TRIM3: variants seen among roughly 807,000 people sequenced by gnomAD.
The protein encoded by TRIM3 is tripartite motif containing 3.
TRIM3 carries 13 observed loss-of-function variants against 66.6 expected under a neutral mutation model. The observed-to-expected ratio is 0.20, with a 90% confidence interval of 0.13 to 0.31. TRIM3 has a LOEUF of 0.31. TRIM3 is among the 10% of genes least tolerant of loss of function. TRIM3 has a pLI of 1.00. For missense variants in TRIM3, 711 were observed against 1,020.4 expected, an observed-to-expected ratio of 0.70 and a Z score of 4.13; for synonymous variants, 406 against 411.7, an observed-to-expected ratio of 0.99 and a Z score of 0.17.
intron 1 of TRIM3, among the ~76,000 whole-genome samples, chr11:6,470,173 G>T (rs1000837258): frequency 3.9e-5 from 6 of 152,132 alleles, no homozygotes; most frequent in African/African-American, 1.4e-4. Context: ...TAGTTTAAAG[G>T]GCAAGGACGG....
chr11:6,473,452 A>G (rs1850788335), intron 1 of TRIM3, among the ~76,000 whole-genome samples: 1 of 151,812 alleles, frequency 6.6e-6, no homozygotes, highest in Non-Finnish European at 1.5e-5. Context: ...GATGGGCCAC[A>G]ATATTCCAGA....
intron 1 of TRIM3, among the ~76,000 whole-genome samples, chr11:6,473,515 C>A (rs1850791937): frequency 6.6e-6 from 1 of 152,064 alleles, no homozygotes; most frequent in Admixed American, 6.6e-5. Context: ...CGTTCAGCAC[C>A]CTCCGCCAAC....
Position 6,457,342 on chromosome 11 carries a change from T to C in TRIM3, c.650A>G (p.Gln217Arg), listed in dbSNP as rs771215017. Reference sequence around the variant, plus strand: ...GGTCTCCAGGTCGCTGACCAGAGCCTGCTTGCGCTGCTGCAGTGCTTGCTC... The same window carrying C: ...GGTCTCCAGGTCGCTGACCAGAGCCCGCTTGCGCTGCTGCAGTGCTTGCTC... ...DLEQALQQRK[Q>R]ALVSDLETIC... Residue 217 changes from glutamine (Q) to arginine (R), a missense_variant, in exon 5 of 12, where the codon CAG becomes CGG. Coordinates refer to ENST00000345851, the MANE Select transcript of TRIM3 (RefSeq NM_033278.4). The surrounding 1 kb of genome is among the most constrained non-coding windows in gnomAD (Gnocchi z 4.5). 9.9e-6 allele frequency: 16 copies of C among 1,614,056 alleles called. No individual in the cohort carries two copies. Among genetic ancestry groups the C allele is most frequent in the Non-Finnish European group, 1.4e-5 (16 of 1,180,046 alleles).
Position 6,456,312 on chromosome 11 carries a change from G to C in TRIM3, c.1414C>G (p.Leu472Val). 1 of 1,551,562 alleles carries C rather than the reference G, an allele frequency of 6.4e-7. No homozygotes were observed. Among genetic ancestry groups the C allele is most frequent in the Non-Finnish European group, 8.7e-7 (1 of 1,145,036 alleles). ...CTGTCTGTACCAACACGGAAGACGA[G>C]CTCATCCTCAATTGGGTTGTCCTTT... ...KRKDNPIEDE[L>V]VFRVGSRGRE... The change falls in exon 6 of 12, where the codon CTC (leucine) becomes GTC (valine). Residue 472 changes from leucine to valine, a missense_variant. Leu to Val is a conservative substitution (Grantham distance 32). Coordinates refer to ENST00000345851, the MANE Select transcript of TRIM3 (RefSeq NM_033278.4). This position sits in a 1 kb window ranked among gnomAD's most constrained non-coding sequence, Gnocchi z 6.4.
At chr11:6,451,789 G>C (rs748931053) in intron 7 of TRIM3, 5 of 271,052 alleles carry the variant, frequency 1.8e-5, no homozygotes, top group Non-Finnish European at 2.8e-5. Context: ...AAGGCACAAA[G>C]TCCAGTATGG....
intron 7 of TRIM3, chr11:6,452,646 G>C (rs1393172394): frequency 6.6e-6 from 1 of 152,204 alleles, no homozygotes; most frequent in Non-Finnish European, 1.5e-5. Flanking sequence ...ACAGCTCTTG[G>C]GTTCTGCAGT....
At position 6,448,703 on chromosome 11, in the gene TRIM3, T is replaced by C; in HGVS notation, c.*325A>G. 1 of 601,712 alleles carries C rather than the reference T, an allele frequency of 1.7e-6. No individual in the cohort carries two copies. Among genetic ancestry groups the C allele is most frequent in the Non-Finnish European group, 3.0e-6 (1 of 337,668 alleles). 37.3% of individuals were successfully genotyped at this position (601,712 alleles called of 1,614,324 possible). A position where few individuals can be genotyped will look rare whatever the true frequency, so the allele number is the denominator to read the frequency against. On this transcript the variant is annotated 3_prime_UTR_variant, in exon 12 of 12. Coordinates refer to ENST00000345851, the MANE Select transcript of TRIM3 (RefSeq NM_033278.4). ...GTGGTAGGGAGACAACTAGAGGGAC[T>C]CCTGTCCTGGGGTAGGCTGTTCTGG...
chr11:6,457,003 C>T lies in TRIM3; in HGVS notation c.723G>A (p.Leu241=), dbSNP rs149155205. Reference sequence around the variant, plus strand: ...TGCCGATGTGTTCCTGACCCTGGCGCAGTGTGTCCAGCTGGCTTTGCAACA... The same window carrying T: ...TGCCGATGTGTTCCTGACCCTGGCGTAGTGTGTCCAGCTGGCTTTGCAACA... ...QKVLQSQLDT[L]RQGQEHIGSS... Residue 241 remains leucine (L), a synonymous_variant, in exon 6 of 12, where the codon CTG becomes CTA. Coordinates refer to ENST00000345851, the MANE Select transcript of TRIM3 (RefSeq NM_033278.4). This position sits in a 1 kb window ranked among gnomAD's most constrained non-coding sequence, Gnocchi z 4.5. 3.1e-6 allele frequency: 5 copies of T among 1,595,210 alleles called. No individual in the cohort carries two copies. Among genetic ancestry groups the T allele is most frequent in the Admixed American group, 1.7e-5 (1 of 59,800 alleles).
chr11:6,474,103 T>A (rs1850836444), upstream of TRIM3: 1 of 70,144 alleles, frequency 1.4e-5, no homozygotes, highest in Non-Finnish European at 2.7e-5. Flanking sequence ...CGCCTCCACC[T>A]CCTGCGGACG....
intron 1 of TRIM3, 26 bp from the exon 2 acceptor site, chr11:6,465,758 G>A (rs1420885405): frequency 1.9e-6 from 3 of 1,600,984 alleles, no homozygotes; most frequent in Non-Finnish European, 2.6e-6. Context: ...GTCAGCACCA[G>A]GGAGTCCAGA....
chr11:6,459,274 C>A (rs1370430292), intron 2 of TRIM3, among the ~76,000 whole-genome samples: 1 of 152,162 alleles, frequency 6.6e-6, no homozygotes, highest in South Asian at 2.1e-4. Context: ...AAGTCCAAGG[C>A]AAGGAATGGT....
chr11:6,461,615 A>G (rs1850243840), intron 2 of TRIM3, among the ~76,000 whole-genome samples: 1 of 151,422 alleles, frequency 6.6e-6, no homozygotes, highest in African/African-American at 2.4e-5. Flanking sequence ...ACTTCTCATC[A>G]ACTATCACTG....
At chr11:6,461,870 A>T (rs973519444) in intron 2 of TRIM3, among the ~76,000 whole-genome samples, 4 of 152,182 alleles carry the variant, frequency 2.6e-5, no homozygotes, top group Non-Finnish European at 5.9e-5. Flanking sequence ...ATATATTTTT[A>T]AAAACTCCAA....
intron 1 of TRIM3, 57 bp from the exon 2 acceptor site, chr11:6,465,789 C>T: frequency 6.7e-7 from 1 of 1,500,384 alleles, no homozygotes; most frequent in Non-Finnish European, 9.1e-7. Flanking sequence ...CCCACCCAAT[C>T]CCCGCCACTC....
rs904577771 is a variant in TRIM3, at chr11:6,473,830, G to A, written c.-77C>T. On this transcript the variant is annotated 5_prime_UTR_variant, in exon 1 of 12. Transcript: ENST00000345851. The stretch of plus-strand genomic sequence containing the variant: ...ATGCGAGGGCAAAGCTCGGACTGCG[G>A]CCACTCTGAAGGGCCCGCGGCGCTG... 2.0e-5 allele frequency: 3 copies of A among 152,160 alleles called. No individual in the cohort carries two copies. Among genetic ancestry groups the A allele is most frequent in the Non-Finnish European group, 4.4e-5 (3 of 68,022 alleles). 9.4% of individuals were successfully genotyped at this position (152,160 alleles called of 1,614,324 possible).
rs541900491 is a variant in TRIM3 at position 6,449,233 on chromosome 11, C to T, written c.2083-53G>A. 9.9e-5 allele frequency: 159 copies of T among 1,610,038 alleles called. 2 individuals carry two copies. The South Asian group carries it at 1.6e-3, about 17-fold the overall frequency. On this transcript the variant is annotated intron_variant, in intron 11 of 11. Coordinates refer to ENST00000345851, the MANE Select transcript of TRIM3 (RefSeq NM_033278.4). The surrounding 1 kb of genome is among the most constrained non-coding windows in gnomAD (Gnocchi z 5.3). ...GAGGCAAGATCAGGCAGATGAGAGT[C>T]TGTTTTGGGGGAACGGGCATATGGG...
At position 6,467,768 on chromosome 11, in the gene TRIM3, C is replaced by CA. The variant is rs373202919; in HGVS notation, c.-37-2037dup. On this transcript the variant is annotated intron_variant, in intron 1 of 11. Coordinates refer to ENST00000345851, the MANE Select transcript of TRIM3 (RefSeq NM_033278.4). Reference sequence around the variant, plus strand: ...ATGAGACAAAGTTGAGATTCTGTCTCAAAAAAAAAAAGTGATTTTATCCTA... The same window carrying CA: ...ATGAGACAAAGTTGAGATTCTGTCTCAAAAAAAAAAAAGTGATTTTATCCTA... Among the ~76,000 whole-genome samples, 442 of 137,756 alleles carry CA rather than the reference C, an allele frequency of 3.2e-3. 2 individuals are homozygous for CA. Among genetic ancestry groups the CA allele is most frequent in the African/African-American group, 9.9e-3 (371 of 37,434 alleles). 90.4% of individuals were successfully genotyped at this position (137,756 alleles called of 152,430 possible). A position where few individuals can be genotyped will look rare whatever the true frequency, so the allele number is the denominator to read the frequency against.
At chr11:6,459,462 AG>A (rs1185060351) in intron 2 of TRIM3, among the ~76,000 whole-genome samples, 1 of 152,244 alleles carries the variant, frequency 6.6e-6, no homozygotes, top group Admixed American at 6.5e-5. Flanking sequence ...ATCACCAGCT[AG>A]TTACCATTTA....
chr11:6,449,677 G>C lies in TRIM3; in HGVS notation c.1942-231C>G. ...ACAGCTCATTTTCTTTGGGAAATCAGTTCTCTTAGTTCTCTATCTCAATGA... is the reference window on the plus strand; with the variant it reads ...ACAGCTCATTTTCTTTGGGAAATCACTTCTCTTAGTTCTCTATCTCAATGA... On this transcript the variant is annotated intron_variant, in intron 10 of 11. Coordinates refer to ENST00000345851, the MANE Select transcript of TRIM3 (RefSeq NM_033278.4). The surrounding 1 kb of genome is among the most constrained non-coding windows in gnomAD (Gnocchi z 5.3). The C allele has an allele frequency of 2.2e-6, 1 of 454,624 alleles. No individual in the cohort carries two copies. Among genetic ancestry groups the C allele is most frequent in the East Asian group, 3.4e-5 (1 of 29,092 alleles). The allele number at this position is 454,624 out of a possible 1,614,324, so 28.2% of individuals were successfully genotyped here.
Sources: gnomAD v4.1 joint callset for allele counts (sites outside exome capture counted in the v4.1 genomes callset) on GRCh38, gnomAD v4.1.1 for gene constraint, Gnocchi (gnomAD v3.1) non-coding constraint, MANE v1.5 for transcripts, NCBI Gene and HGNC (gene_info 2026-07-23, HGNC 2026-07-21) for gene names.